The following PTGS2 variants were observed in gnomAD, a reference collection of about 807,000 sequenced individuals.
The protein encoded by PTGS2 is prostaglandin-endoperoxide synthase 2.
A neutral mutation model predicts 63.8 loss-of-function variants in PTGS2; 14 were observed. The observed-to-expected ratio is 0.22, with a 90% CI of 0.14 to 0.34. The LOEUF is 0.34. Ranked by LOEUF, PTGS2 falls within the 10% of genes least tolerant of loss-of-function variation. PTGS2 has a pLI of 1.00. For missense variants in PTGS2, 533 were observed against 738.5 expected (o/e 0.72, Z 3.23); for synonymous variants, 271 against 259.5 (o/e 1.04, Z -0.43).
At chr1:186,678,940 GC>G in intron 3 of PTGS2, 117 bp downstream of exon 3, 1 of 1,272,770 alleles carries the variant, frequency 7.9e-7, no homozygotes, top group Non-Finnish European at 1.1e-6. Context: ...AAACTTAAAA[GC>G]TATCTTAAAG....
In PTGS2 at chr1:186,676,615, C is replaced by A. The variant is rs1348668157; in HGVS notation, c.822G>T (p.Gly274=). ...CAGGCACCAGACCAAAGACCTCCTG[C>A]CCCACAGCAAACCGTAGATGCTCAG... The part of the protein sequence containing the change: ...QVPEHLRFAV[G]QEVFGLVPGL... The change falls in exon 7 of 10, where the codon GGG becomes GGT. Residue 274 remains glycine, a synonymous_variant. Transcript: ENST00000367468. The A allele has an allele frequency of 6.2e-7, 1 of 1,614,124 alleles. No homozygotes were observed. Among genetic ancestry groups the A allele is most frequent in the Non-Finnish European group, 8.5e-7 (1 of 1,180,034 alleles).
Position 186,673,195 on chromosome 1 carries a change from T to C in PTGS2, c.*1158A>G, listed in dbSNP as rs1665719523. 1 of 152,174 alleles carries C rather than the reference T, an allele frequency of 6.6e-6. No homozygotes were observed. Among genetic ancestry groups the C allele is most frequent in the Non-Finnish European group, 1.5e-5 (1 of 67,996 alleles). 9.4% of individuals were successfully genotyped at this position (152,174 alleles called of 1,614,324 possible). A position where few individuals can be genotyped will look rare whatever the true frequency, so the allele number is the denominator to read the frequency against. Reference sequence around the variant, plus strand: ...ATAAAATTAATGTGTGAAATGAATTTAAGCATTTTGAAGAGGTATTTTATG... The same window carrying C: ...ATAAAATTAATGTGTGAAATGAATTCAAGCATTTTGAAGAGGTATTTTATG... On this transcript the variant is annotated 3_prime_UTR_variant, in exon 10 of 10. Coordinates refer to ENST00000367468, the MANE Select transcript of PTGS2 (RefSeq NM_000963.4).
In PTGS2 at chr1:186,675,193, A is replaced by G. The variant is rs4648281; in HGVS notation, c.1405+56T>C. The G allele has an allele frequency of 5.6e-4, 885 of 1,594,316 alleles. 6 individuals carry two copies. The African/African-American group carries it at 0.011, about 20-fold the overall frequency. ...CTCCATCTCGAAAAGAAAACCAAAA[A>G]CAACAAAAACAAACAAACAAACAAA... On this transcript the variant is annotated intron_variant, in intron 9 of 9. Transcript: ENST00000367468.
At chr1:186,678,501 G>T in intron 3 of PTGS2, 97 bp from the exon 4 acceptor site, 1 of 1,156,690 alleles carries the variant, frequency 8.6e-7, no homozygotes, top group Non-Finnish European at 1.2e-6. Flanking sequence ...GGCACCTGAG[G>T]TTGAATGTAA....
intron 3 of PTGS2, 96 bp from the exon 4 acceptor site, chr1:186,678,500 G>T: frequency 2.6e-6 from 3 of 1,164,150 alleles, no homozygotes; most frequent in Non-Finnish European, 2.3e-6. Context: ...TGGCACCTGA[G>T]GTTGAATGTA....
At chr1:186,678,743 A>G (rs1218935883) in intron 3 of PTGS2, among the ~76,000 whole-genome samples, 1 of 152,202 alleles carries the variant, frequency 6.6e-6, no homozygotes, top group Non-Finnish European at 1.5e-5. Context: ...ATCCAAATTT[A>G]TTTTAATGGG....
chr1:186,679,408 T>G lies in PTGS2; in HGVS notation c.83A>C (p.Asn28Thr). 1 of 1,614,104 alleles carries G rather than the reference T, an allele frequency of 6.2e-7. No individual in the cohort carries two copies. The highest frequency in any genetic ancestry group is 8.5e-7 in the Non-Finnish European group (1 of 1,179,998). ...TCCCACACTCATACATACACCTCGG[T>G]TTTGACATGGGTGGGAACAGCAAGG... ...ANPCCSHPCQ[N>T]RGVCMSVGFD... Residue 28 changes from asparagine (N) to threonine (T), a missense_variant, in exon 2 of 10, where the codon AAC (asparagine) becomes ACC (threonine). This residue lies in a region of PTGS2 where 118 missense variants were observed against 144.6 expected (regional missense o/e 0.82). Transcript: ENST00000367468.
intron 7 of PTGS2, 141 bp downstream of exon 7, chr1:186,676,326 A>C: frequency 7.3e-7 from 1 of 1,365,960 alleles, no homozygotes; most frequent in Admixed American, 2.3e-5. Context: ...CTATTTTATC[A>C]GTCATGCTTA....
rs181994927 is a variant in PTGS2, at chr1:186,676,252, T to G, written c.971-68A>C. 4,423 of 1,465,972 alleles carry G rather than the reference T, an allele frequency of 3.0e-3. 33 individuals are homozygous for G. The highest frequency in any genetic ancestry group is 3.2e-3 in the Non-Finnish European group (3,455 of 1,093,040). The allele number at this position is 1,465,972 out of a possible 1,614,324, so 90.8% of individuals were successfully genotyped here. A position where few individuals can be genotyped will look rare whatever the true frequency, so the allele number is the denominator to read the frequency against. On this transcript the variant is annotated intron_variant, in intron 7 of 9. Transcript: ENST00000367468. ...ATCACAAGCTTTCAAGCAACTGGAATGCAATTTTTAAAATTTGCTATTCCT... is the reference window on the plus strand; with the variant it reads ...ATCACAAGCTTTCAAGCAACTGGAAGGCAATTTTTAAAATTTGCTATTCCT...
intron 9 of PTGS2, 131 bp from the exon 10 acceptor site, chr1:186,674,893 T>A: frequency 1.7e-6 from 2 of 1,160,406 alleles, no homozygotes; most frequent in Non-Finnish European, 2.4e-6. Flanking sequence ...TTAAGAAGTT[T>A]AGGGGCCAGG....
chr1:186,674,508 T>A lies in PTGS2; in HGVS notation c.1660A>T (p.Ile554Phe), dbSNP rs1665745355. The change falls in exon 10 of 10, where the codon ATC (isoleucine) becomes TTC (phenylalanine). Residue 554 changes from isoleucine (I) to phenylalanine (F), a missense_variant. By Grantham distance (21) the Ile-to-Phe change is conservative (BLOSUM62 0). This residue lies in a region of PTGS2 where 219 missense variants were observed against 267.4 expected (regional missense o/e 0.82). Coordinates refer to ENST00000367468, the MANE Select transcript of PTGS2 (RefSeq NM_000963.4). The stretch of plus-strand genomic sequence containing the variant: ...GGACAGCCCTTCACGTTATTGCAGA[T>A]GAGAGACTGAATTGAGGCAGTGTTG... Reference protein sequence around the residue: ...IINTASIQSLICNNVKGCPFT... With the variant: ...IINTASIQSLFCNNVKGCPFT... 1 of 1,614,074 alleles carries A rather than the reference T, an allele frequency of 6.2e-7. No individual in the cohort carries two copies. The highest frequency in any genetic ancestry group is 8.5e-7 in the Non-Finnish European group (1 of 1,180,048).
At position 186,674,262 on chromosome 1, in the gene PTGS2, A is replaced by G; in HGVS notation, c.*91T>C. On this transcript the variant is annotated 3_prime_UTR_variant, in exon 10 of 10. Coordinates refer to ENST00000367468, the MANE Select transcript of PTGS2 (RefSeq NM_000963.4). ...ACTGACTTCTGTTACAGAAGATGTT[A>G]AGTAACATAAGGAGTTTAATATAAA... The G allele has an allele frequency of 2.4e-6, 2 of 828,390 alleles. No homozygotes were observed. The highest frequency in any genetic ancestry group is 3.2e-6 in the Non-Finnish European group (2 of 617,270). The allele number at this position is 828,390 out of a possible 1,614,324, so 51.3% of individuals were successfully genotyped here. A position where few individuals can be genotyped will look rare whatever the true frequency, so the allele number is the denominator to read the frequency against.
chr1:186,675,215 C>CA (rs1440170480), intron 9 of PTGS2, 34 bp downstream of exon 9: 3 of 1,597,272 alleles, frequency 1.9e-6, no homozygotes, highest in Non-Finnish European at 2.6e-6. Flanking sequence ...AACAAACAAA[C>CA]AAAAAACGAA....
At chr1:186,677,875 A>C in intron 4 of PTGS2, 45 bp from the exon 5 acceptor site, 1 of 1,563,418 alleles carries the variant, frequency 6.4e-7, no homozygotes. Context: ...TATGTATTCA[A>C]GAAAGGAGAT....
Position 186,673,126 on chromosome 1 carries a change from A to G in PTGS2, c.*1227T>C, listed in dbSNP as rs1369057612. ...GAAAAGGAACAGCATGCAGGTAGCCAGGCTTGATTCCAATGCACCTACTGA... is the reference window on the plus strand; with the variant it reads ...GAAAAGGAACAGCATGCAGGTAGCCGGGCTTGATTCCAATGCACCTACTGA... On this transcript the variant is annotated 3_prime_UTR_variant, in exon 10 of 10. Transcript: ENST00000367468. 6.6e-6 allele frequency: 1 copy of G among 152,206 alleles called. No homozygotes were observed. The highest frequency in any genetic ancestry group is 1.5e-5 in the Non-Finnish European group (1 of 68,002). The allele number at this position is 152,206 out of a possible 1,614,324, so 9.4% of individuals were successfully genotyped here.
Position 186,675,989 on chromosome 1 carries a change from T to G in PTGS2, c.1166A>C (p.Asn389Thr). The G allele has an allele frequency of 6.2e-7, 1 of 1,614,006 alleles. No homozygotes were observed. The highest frequency in any genetic ancestry group is 1.1e-5 in the South Asian group (1 of 91,072). Reference sequence around the variant, plus strand: ...GTTGTTGTAGATAAACTGTTGATAGTTGTATTTCTGGTCATGAATTTGAAA... The same window carrying G: ...GTTGTTGTAGATAAACTGTTGATAGGTGTATTTCTGGTCATGAATTTGAAA... ...DTFQIHDQKY[N>T]YQQFIYNNSI... Residue 389 changes from asparagine to threonine, a missense_variant, in exon 8 of 10, where the codon AAC becomes ACC. Asn to Thr is a moderately conservative substitution (Grantham distance 65). Around this residue, in one of 5 missense-constraint regions of PTGS2, gnomAD observed 219 missense variants for 267.4 expected, o/e 0.82. Transcript: ENST00000367468.
Position 186,676,670 on chromosome 1 carries a change from T to C in PTGS2, c.767A>G (p.Gln256Arg). The change falls in exon 7 of 10, where the codon CAG becomes CGG. Residue 256 changes from glutamine to arginine, a missense_variant. Transcript: ENST00000367468. ...EMYPPTVKDTQAEMIYPPQVP... is the reference protein window; with the variant it reads ...EMYPPTVKDTRAEMIYPPQVP... ...TTGAGGAGGGTAGATCATCTCTGCC[T>C]GAGTATCTTTGACTGTGGGAGGATA... 1 of 1,614,012 alleles carries C rather than the reference T, an allele frequency of 6.2e-7. No individual in the cohort carries two copies. The highest frequency in any genetic ancestry group is 2.2e-5 in the East Asian group (1 of 44,882).
In PTGS2 at chr1:186,671,972, A is replaced by G. The variant is rs185983564; in HGVS notation, c.*2381T>C. 1 of 147,454 alleles carries G rather than the reference A, an allele frequency of 6.8e-6. No homozygotes were observed. The highest frequency in any genetic ancestry group is 1.5e-5 in the Non-Finnish European group (1 of 67,700). The allele number at this position is 147,454 out of a possible 1,614,324, so 9.1% of individuals were successfully genotyped here. ...AGGTTTTGTCAGCAGATCAATGTTAATAACAAATCAAGTTTTTTTTTTAAA... is the reference window on the plus strand; with the variant it reads ...AGGTTTTGTCAGCAGATCAATGTTAGTAACAAATCAAGTTTTTTTTTTAAA... On this transcript the variant is annotated 3_prime_UTR_variant, in exon 10 of 10. Transcript: ENST00000367468.
chr1:186,677,534 T>C (rs1665802302), intron 5 of PTGS2, 115 bp downstream of exon 5: 1 of 1,150,986 alleles, frequency 8.7e-7, no homozygotes, highest in East Asian at 2.6e-5. Context: ...GACTTCTTTT[T>C]AAAAAAAGTG....
Sources: allele counts gnomAD v4.1 joint callset (sites outside exome capture counted in the v4.1 genomes callset), GRCh38; gene constraint gnomAD v4.1.1; regional missense constraint gnomAD v4.1.1; transcripts MANE v1.5; gene names NCBI Gene and HGNC (gene_info 2026-07-23, HGNC 2026-07-21).